The following FAM25G variants were observed in gnomAD, a reference collection of about 807,000 sequenced individuals.
FAM25G encodes the protein family with sequence similarity 25 member G, also known as protein FAM25G.
In FAM25G, 3 loss-of-function variants were observed where a neutral mutation model predicts 6.4. The observed-to-expected ratio is 0.47, with a 90% CI of 0.21 to 1.21. The LOEUF (loss-of-function observed/expected upper bound fraction) is 1.21. FAM25G is among the 50% of genes most tolerant of loss of function. The pLI is 0.22. For synonymous variants in FAM25G, 15 were observed against 31.3 expected, an observed-to-expected ratio of 0.48 and a Z score of 1.74; for missense variants, 34 against 76.0, an observed-to-expected ratio of 0.45 and a Z score of 2.06.
Position 47,491,601 on chromosome 10 carries a change from C to T in FAM25G, c.73+1G>A. 1 of 1,521,044 alleles carries T rather than the reference C, an allele frequency of 6.6e-7. No individual in the cohort carries two copies. Among genetic ancestry groups the T allele is most frequent in the Non-Finnish European group, 8.9e-7 (1 of 1,128,826 alleles). 94.2% of individuals were successfully genotyped at this position (1,521,044 alleles called of 1,614,324 possible). A position where few individuals can be genotyped will look rare whatever the true frequency, so the allele number is the denominator to read the frequency against. On this transcript the variant is annotated splice_donor_variant, in intron 1 of 2. Transcript: ENST00000452267. LOFTEE classifies it high-confidence loss of function. ...GGTAGAAAGGAGCCCTGGGTCCTCA[C>T]TGGCTCCCTCGGTGGCCTTCTCGGT...
intron 1 of FAM25G, 122 bp downstream of exon 1, chr10:47,491,480 G>C: frequency 1.6e-6 from 1 of 629,266 alleles, no homozygotes; most frequent in South Asian, 2.0e-5. Context: ...CAGGAGACCA[G>C]GGTTCCTGAG....
intron 2 of FAM25G, among the ~76,000 whole-genome samples, chr10:47,488,713 A>ATTTTTTTTTTTT (rs1160121365): frequency 8.0e-5 from 5 of 62,118 alleles, no homozygotes; most frequent in African/African-American, 1.4e-4. Flanking sequence ...TACATGTTAA[A>ATTTTTTTTTTTT]TTTTTTTTTT....
chr10:47,490,427 G>C (rs1171259893), intron 1 of FAM25G: 4 of 150,984 alleles, frequency 2.6e-5, no homozygotes, highest in Non-Finnish European at 4.4e-5. Context: ...TGGGAGCAGG[G>C]CGCTATCGCG....
chr10:47,487,760 G>T (rs1451401228), intron 2 of FAM25G, among the ~76,000 whole-genome samples: 1 of 144,200 alleles, frequency 6.9e-6, no homozygotes. Context: ...TTTTCTTTTG[G>T]CTTGGTTTAT....
At chr10:47,487,668 T>C (rs1217357179) in intron 2 of FAM25G, among the ~76,000 whole-genome samples, 1 of 147,396 alleles carries the variant, frequency 6.8e-6, no homozygotes, top group Admixed American at 6.8e-5. Flanking sequence ...AAATGCCTGC[T>C]TATGTCTTTT....
At chr10:47,489,562 C>A (rs1840110297) in intron 2 of FAM25G, 24 bp downstream of exon 2, 1 of 619,434 alleles carries the variant, frequency 1.6e-6, no homozygotes, top group African/African-American at 1.9e-5. Flanking sequence ...CCCTCCTTCC[C>A]TGCCCGACCT....
intron 2 of FAM25G, among the ~76,000 whole-genome samples, chr10:47,488,783 A>G (rs1380304000): frequency 1.7e-5 from 2 of 117,736 alleles, no homozygotes; most frequent in African/African-American, 6.8e-5. Context: ...GCTGGAGTGC[A>G]GTGTCGCGAT....
In FAM25G at chr10:47,488,829, G is replaced by A. The variant is rs1225531634; in HGVS notation, c.136+757C>T. ...TGCAAGCTCCACCTTCCAGGTTCAC[G>A]CCATTCTCCTGCCTCAGCCTCCCGA... On this transcript the variant is annotated intron_variant, in intron 2 of 2. Transcript: ENST00000452267. Among the ~76,000 whole-genome samples, 511 of 125,096 alleles carry A rather than the reference G, an allele frequency of 4.1e-3. 6 individuals are homozygous for A. The highest frequency in any genetic ancestry group is 6.2e-3 in the Non-Finnish European group (389 of 63,130). 82.1% of individuals were successfully genotyped at this position (125,096 alleles called of 152,430 possible).
intron 1 of FAM25G, among the ~76,000 whole-genome samples, chr10:47,490,628 C>T (rs1840134069): frequency 6.7e-6 from 1 of 148,258 alleles, no homozygotes; most frequent in Non-Finnish European, 1.5e-5. Context: ...AGCCCTGCCT[C>T]AGCTTTTCTC....
rs1373682074 is a variant in FAM25G, at chr10:47,491,659, C to T, written c.16G>A (p.Gly6Arg). 5.2e-6 allele frequency: 8 copies of T among 1,539,704 alleles called. No individual in the cohort carries two copies. The East Asian group carries it at 1.2e-4, about 24-fold the overall frequency. The stretch of plus-strand genomic sequence containing the variant: ...GCCAGGCCCTCGGCAGCCAGCTTCC[C>T]CAGGCCTCCCAGCATCGTGTGGCAG... MLGGL[G>R]KLAAEGLAHR... Residue 6 changes from glycine (G) to arginine (R), a missense_variant, in exon 1 of 3, where the codon GGG (glycine) becomes AGG (arginine). Physicochemically the swap from Gly to Arg is moderately radical, Grantham distance 125. Transcript: ENST00000452267.
At chr10:47,488,713 A>ATTTTTTTTTTTTTTT (rs1160121365) in intron 2 of FAM25G, among the ~76,000 whole-genome samples, 13 of 62,108 alleles carry the variant, frequency 2.1e-4, no homozygotes, top group South Asian at 7.2e-4. Context: ...TACATGTTAA[A>ATTTTTTTTTTTTTTT]TTTTTTTTTT....
At chr10:47,488,713 ATTTTTTTT>A (rs1160121365) in intron 2 of FAM25G, among the ~76,000 whole-genome samples, 60 of 62,086 alleles carry the variant, frequency 9.7e-4, no homozygotes, top group African/African-American at 1.6e-3. Flanking sequence ...TACATGTTAA[ATTTTTTTT>A]TTTTTTTTTT....
intron 2 of FAM25G, among the ~76,000 whole-genome samples, chr10:47,487,623 C>T (rs1193366257): frequency 2.9e-5 from 4 of 138,554 alleles, no homozygotes; most frequent in African/African-American, 8.0e-5. Flanking sequence ...AGCATCTACT[C>T]ATGGGTACAT....
At chr10:47,487,875 C>T (rs1458464458) in intron 2 of FAM25G, among the ~76,000 whole-genome samples, 2 of 150,264 alleles carry the variant, frequency 1.3e-5, no homozygotes, top group Non-Finnish European at 3.0e-5. Context: ...TAAAGATTCT[C>T]CCCTCTCCAA....
chr10:47,488,481 G>A (rs1840084702), intron 2 of FAM25G, among the ~76,000 whole-genome samples: 1 of 150,546 alleles, frequency 6.6e-6, no homozygotes, highest in African/African-American at 2.5e-5. Context: ...GAAGGGCTAG[G>A]ATTACAGGCG....
Position 47,487,274 on chromosome 10 carries a change from C to A in FAM25G, c.*1G>T. Reference sequence around the variant, plus strand: ...GGGAAGGGCCGTGGTAGCAGGTGCACTCACTGTCCAAGTTTGTCCAGACTT... The same window carrying A: ...GGGAAGGGCCGTGGTAGCAGGTGCAATCACTGTCCAAGTTTGTCCAGACTT... On this transcript the variant is annotated 3_prime_UTR_variant, in exon 3 of 3. Coordinates refer to ENST00000452267, the MANE Select transcript of FAM25G (RefSeq NM_001137549.2). 1 of 1,280,054 alleles carries A rather than the reference C, an allele frequency of 7.8e-7. No homozygotes were observed. The highest frequency in any genetic ancestry group is 1.1e-6 in the Non-Finnish European group (1 of 941,796). 79.3% of individuals were successfully genotyped at this position (1,280,054 alleles called of 1,614,324 possible).
intron 1 of FAM25G, among the ~76,000 whole-genome samples, chr10:47,489,870 C>A (rs1169840159): frequency 6.8e-6 from 1 of 146,118 alleles, no homozygotes; most frequent in Non-Finnish European, 1.5e-5. Context: ...TGGGGTGCCA[C>A]CCCCAGCCAG....
intron 2 of FAM25G, among the ~76,000 whole-genome samples, chr10:47,488,500 T>G (rs1840085181): frequency 6.6e-6 from 1 of 150,716 alleles, no homozygotes; most frequent in African/African-American, 2.5e-5. Context: ...CGTGAGCCAC[T>G]GCACCTGGCC....
chr10:47,487,244 G>A lies in FAM25G; in HGVS notation c.*31C>T, dbSNP rs1226921112. On this transcript the variant is annotated 3_prime_UTR_variant, in exon 3 of 3. Coordinates refer to ENST00000452267, the MANE Select transcript of FAM25G (RefSeq NM_001137549.2). ...TACACATGTCATGGCTTTTTATTGA[G>A]ACTGGGGAAGGGCCGTGGTAGCAGG... 6 of 1,243,130 alleles carry A rather than the reference G, an allele frequency of 4.8e-6. No homozygotes were observed. In the Admixed American group the frequency reaches 1.2e-4, roughly 24 times the overall value. 77.0% of individuals were successfully genotyped at this position (1,243,130 alleles called of 1,614,324 possible).
Sources: allele counts gnomAD v4.1 joint callset (sites outside exome capture counted in the v4.1 genomes callset), GRCh38; gene constraint gnomAD v4.1.1; transcripts MANE v1.5; gene names NCBI Gene and HGNC (gene_info 2026-07-23, HGNC 2026-07-21).